Variants in ZCCHC7 observed in about 807,000 individuals in gnomAD.
ZCCHC7 encodes zinc finger CCHC-type containing 7.
ZCCHC7 carries 35 observed loss-of-function variants against 52.0 expected under a neutral mutation model. The ratio of observed to expected loss-of-function variants is 0.67; its 90% CI spans 0.51 to 0.89. The LOEUF (loss-of-function observed/expected upper bound fraction) is 0.89. Among genes scored for constraint, ZCCHC7 ranks in the 40% least tolerant of loss-of-function variants. The pLI is 0.00. For synonymous variants in ZCCHC7, 217 were observed against 221.5 expected (o/e 0.98, Z 0.18); for missense variants, 574 against 649.1 (o/e 0.88, Z 1.26).
At chr9:37,294,677 A>G (rs1828700316) in intron 2 of ZCCHC7, among the ~76,000 whole-genome samples, 1 of 152,198 alleles carries the variant, frequency 6.6e-6, no homozygotes, top group East Asian at 1.9e-4. Flanking sequence ...TCAGAACAGT[A>G]CTTATTCATA....
intron 2 of ZCCHC7, among the ~76,000 whole-genome samples, chr9:37,279,302 T>A (rs1440377332): frequency 6.6e-6 from 1 of 151,532 alleles, no homozygotes. Context: ...GTAAATAGAA[T>A]CATTTGGTGA....
chr9:37,349,839 G>A (rs1043174817), intron 7 of ZCCHC7, among the ~76,000 whole-genome samples: 9 of 152,038 alleles, frequency 5.9e-5, no homozygotes, highest in African/African-American at 9.7e-5. Flanking sequence ...CCAGGCTGGA[G>A]TGCAGTGGTG....
chr9:37,211,405 C>G (rs1308542702), intron 2 of ZCCHC7, among the ~76,000 whole-genome samples: 1 of 152,044 alleles, frequency 6.6e-6, no homozygotes, highest in Non-Finnish European at 1.5e-5. Flanking sequence ...ATAACATAAG[C>G]TGTATATGCA....
intron 2 of ZCCHC7, among the ~76,000 whole-genome samples, chr9:37,238,787 C>G (rs1459419665): frequency 6.6e-6 from 1 of 151,840 alleles, no homozygotes; most frequent in Non-Finnish European, 1.5e-5. Flanking sequence ...AATGTGATGG[C>G]AGCAATTAAC....
At chr9:37,120,538 C>T, upstream of ZCCHC7, 1 of 399,174 alleles carries the variant, frequency 2.5e-6, no homozygotes, top group Non-Finnish European at 4.4e-6. Flanking sequence ...GCGGACGCGG[C>T]CTCCTTACCT....
chr9:37,203,269 G>A (rs1048839206), intron 2 of ZCCHC7, among the ~76,000 whole-genome samples: 2 of 152,184 alleles, frequency 1.3e-5, no homozygotes, highest in Middle Eastern at 3.4e-3. Context: ...ATCCAGGTAC[G>A]CAACAGTTTC....
chr9:37,159,146 T>C (rs143681736), intron 2 of ZCCHC7, among the ~76,000 whole-genome samples: 1 of 152,368 alleles, frequency 6.6e-6, no homozygotes, highest in Admixed American at 6.5e-5. Context: ...CCGATTTATA[T>C]AATCCTTTTG....
intron 2 of ZCCHC7, among the ~76,000 whole-genome samples, chr9:37,257,205 C>T (rs687135): frequency 0.57 from 87,087 of 151,798 alleles, 25,634 homozygotes; most frequent in African/African-American, 0.7. Context: ...AGCTTATTAA[C>T]ACAGATTCTT....
intron 2 of ZCCHC7, among the ~76,000 whole-genome samples, chr9:37,206,818 T>C (rs1378916035): frequency 6.6e-6 from 1 of 152,188 alleles, no homozygotes; most frequent in Non-Finnish European, 1.5e-5. Context: ...CAATGTAAGA[T>C]TCAACTTACC....
chr9:37,221,938 C>T (rs192796901), intron 2 of ZCCHC7, among the ~76,000 whole-genome samples: 1 of 151,542 alleles, frequency 6.6e-6, no homozygotes, highest in Admixed American at 6.6e-5. Flanking sequence ...ATAAAAGATT[C>T]ATAAAGATTC....
At chr9:37,148,443 T>A (rs1304947633) in intron 2 of ZCCHC7, among the ~76,000 whole-genome samples, 4 of 152,190 alleles carry the variant, frequency 2.6e-5, no homozygotes, top group African/African-American at 9.6e-5. Flanking sequence ...AACAGACTTT[T>A]AAAATTCTAT....
chr9:37,129,210 T>TGCTAAAGTTGATGGCACAACCTATCC (rs1165534109), intron 2 of ZCCHC7, among the ~76,000 whole-genome samples: 1 of 152,212 alleles, frequency 6.6e-6, no homozygotes, highest in Non-Finnish European at 1.5e-5. Context: ...ACAATGTGGA[T>TGCTAAAGTTGATGGCACAACCTATCC]AGGTTGGGAA....
rs1842552849 is a variant in ZCCHC7 at position 37,126,723 on chromosome 9, A to C, written c.391A>C (p.Lys131Gln). ...TCTTCAATCTAATGAGCTGGTTGAT[A>C]AGAAATGCAAGAGTGATATTGAGAA... Reference protein sequence around the residue: ...SSLQSNELVDKKCKSDIEKPK... With the variant: ...SSLQSNELVDQKCKSDIEKPK... The change falls in exon 2 of 9, where the codon AAG becomes CAG. Residue 131 changes from lysine (K) to glutamine (Q), a missense_variant. By Grantham distance (53) the Lys-to-Gln change is moderately conservative. This residue lies in a region of ZCCHC7 where 403 missense variants were observed against 461.2 expected (regional missense o/e 0.87). Coordinates refer to ENST00000336755, the MANE Select transcript of ZCCHC7 (RefSeq NM_032226.3). 6.2e-7 allele frequency: 1 copy of C among 1,614,158 alleles called. No individual in the cohort carries two copies. The highest frequency in any genetic ancestry group is 1.3e-5 in the African/African-American group (1 of 75,050).
At chr9:37,346,860 G>A (rs1588703304) in intron 6 of ZCCHC7, among the ~76,000 whole-genome samples, 2 of 152,202 alleles carry the variant, frequency 1.3e-5, no homozygotes, top group African/African-American at 4.8e-5. Flanking sequence ...GCCAGGCGTA[G>A]TGGTGCACTC....
chr9:37,256,189 G>T (rs915212049), intron 2 of ZCCHC7, among the ~76,000 whole-genome samples: 1 of 152,084 alleles, frequency 6.6e-6, no homozygotes, highest in South Asian at 2.1e-4. Context: ...ATAGGTCATG[G>T]ATCTTTGTTT....
intron 2 of ZCCHC7, among the ~76,000 whole-genome samples, chr9:37,146,131 C>A (rs1787999625): frequency 6.6e-6 from 1 of 151,732 alleles, no homozygotes; most frequent in Admixed American, 6.6e-5. Flanking sequence ...TTTGGTGTAC[C>A]TTATTTACCT....
At chr9:37,262,708 T>TTG (rs1398919756) in intron 2 of ZCCHC7, among the ~76,000 whole-genome samples, 2 of 152,204 alleles carry the variant, frequency 1.3e-5, no homozygotes, top group Non-Finnish European at 2.9e-5. Flanking sequence ...TAACATTATT[T>TTG]TGTGACACTG....
intron 2 of ZCCHC7, among the ~76,000 whole-genome samples, chr9:37,278,278 G>A (rs1827787573): frequency 6.6e-6 from 1 of 151,848 alleles, no homozygotes; most frequent in Admixed American, 6.6e-5. Flanking sequence ...GATATAAAAT[G>A]GCATACAATA....
chr9:37,173,738 C>G (rs1436560605), intron 2 of ZCCHC7, among the ~76,000 whole-genome samples: 2 of 152,180 alleles, frequency 1.3e-5, no homozygotes, highest in Non-Finnish European at 2.9e-5. Context: ...TTAACAGCAA[C>G]TGGCCTGAAT....
Sources: gnomAD v4.1 joint callset for allele counts (sites outside exome capture counted in the v4.1 genomes callset) on GRCh38, gnomAD v4.1.1 for gene constraint, gnomAD v4.1.1 regional missense constraint, MANE v1.5 for transcripts, NCBI Gene and HGNC (gene_info 2026-07-23, HGNC 2026-07-21) for gene names.